The following ENOX1 variants were observed in gnomAD, a reference collection of about 807,000 sequenced individuals.
The protein encoded by ENOX1 is ecto-NOX disulfide-thiol exchanger 1.
In ENOX1, 42 loss-of-function variants were observed where a neutral mutation model predicts 82.5. That is an observed-to-expected ratio of 0.51 (90% CI 0.40 to 0.66). The LOEUF (loss-of-function observed/expected upper bound fraction) is 0.66, where lower values mean the gene tolerates loss of function less well. Ranked by LOEUF, ENOX1 falls within the 30% of genes least tolerant of loss-of-function variation. The pLI, the probability that ENOX1 is intolerant of heterozygous loss-of-function variation, is 0.00. For synonymous variants in ENOX1, 271 were observed against 282.2 expected, an observed-to-expected ratio of 0.96 and a Z score of 0.40; for missense variants, 608 against 811.6, an observed-to-expected ratio of 0.75 and a Z score of 3.05.
chr13:43,612,184 G>C (rs563272320), intron 2 of ENOX1, among the ~76,000 whole-genome samples: 6 of 152,302 alleles, frequency 3.9e-5, no homozygotes, highest in Admixed American at 6.5e-5. Context: ...AGCAGTCAGA[G>C]AGAACAGATG....
intron 1 of ENOX1, among the ~76,000 whole-genome samples, chr13:43,679,634 C>G (rs1355413339): frequency 3.7e-4 from 56 of 152,146 alleles, no homozygotes; most frequent in Admixed American, 3.7e-3. Flanking sequence ...ATTTCTTCAT[C>G]TTTAAGATAA....
At chr13:43,706,712 GAA>G (rs67435957) in intron 1 of ENOX1, among the ~76,000 whole-genome samples, 115,418 of 148,018 alleles carry the variant, frequency 0.78, 47,394 homozygotes, top group South Asian at 0.93. Context: ...GATCAAGAAA[GAA>G]AAAAAAAAAA....
In ENOX1 at chr13:43,336,253, G is replaced by A. The variant is rs570539568; in HGVS notation, c.1036+8285C>T. Among the ~76,000 whole-genome samples the A allele has an allele frequency of 2.0e-5, 3 of 152,316 alleles. No individual in the cohort carries two copies. In the South Asian group the frequency reaches 6.2e-4, roughly 32 times the overall value. On this transcript the variant is annotated intron_variant, in intron 9 of 16. Coordinates refer to ENST00000690772, the MANE Select transcript of ENOX1 (RefSeq NM_001347969.2). ...AGAGCTTTTCAGGCAGAAGAAATGT[G>A]GACGAGGACACCAATCTGCCTAAAA...
intron 8 of ENOX1, among the ~76,000 whole-genome samples, chr13:43,346,518 T>G (rs77123344): frequency 2.9e-4 from 44 of 152,244 alleles, no homozygotes; most frequent in East Asian, 1.9e-4. Context: ...TCTCAACCCA[T>G]AGGCACAGAA....
At chr13:43,550,775 G>T (rs1033115564) in intron 2 of ENOX1, among the ~76,000 whole-genome samples, 2 of 152,038 alleles carry the variant, frequency 1.3e-5, no homozygotes, top group Admixed American at 1.3e-4. Context: ...TTATCTTCAG[G>T]GTATGTGGAC....
Position 43,236,732 on chromosome 13 carries a change from T to C in ENOX1, c.1618A>G (p.Asn540Asp), listed in dbSNP as rs560032590. The change falls in exon 15 of 17, where the codon AAT becomes GAT. Residue 540 changes from asparagine (N) to aspartate (D), a missense_variant. Asn to Asp is a conservative substitution (Grantham distance 23, BLOSUM62 1). Coordinates refer to ENST00000690772, the MANE Select transcript of ENOX1 (RefSeq NM_001347969.2). ...GHSHEDSNEI[N>D]VLTVALVNQD... Reference sequence around the variant, plus strand: ...TTGACTAATGCAACTGTCAACACATTGATTTCCTATAAAGTTAAAAGCCAA... The same window carrying C: ...TTGACTAATGCAACTGTCAACACATCGATTTCCTATAAAGTTAAAAGCCAA... The C allele has an allele frequency of 1.3e-6, 2 of 1,569,816 alleles. No homozygotes were observed. Among genetic ancestry groups the C allele is most frequent in the East Asian group, 4.6e-5 (2 of 43,214 alleles).
rs573095128 is a variant in ENOX1 at position 43,618,324 on chromosome 13, A to G, written c.-219+49155T>C. Among the ~76,000 whole-genome samples the G allele has an allele frequency of 4.6e-5, 7 of 152,270 alleles. 1 individual carries two copies. The Middle Eastern group carries it at 0.01, about 222-fold the overall frequency. ...TGGTCATGAAATCCTTGCCTAAACC[A>G]ATGTCTAGAAGGGTTTTTCCAATGT... On this transcript the variant is annotated intron_variant, in intron 2 of 16. Coordinates refer to ENST00000690772, the MANE Select transcript of ENOX1 (RefSeq NM_001347969.2).
intron 3 of ENOX1, among the ~76,000 whole-genome samples, chr13:43,423,718 T>C (rs1337737956): frequency 1.3e-5 from 2 of 152,202 alleles, no homozygotes; most frequent in Non-Finnish European, 2.9e-5. Flanking sequence ...AAAGTGACTC[T>C]TCTATCCCTG....
intron 2 of ENOX1, among the ~76,000 whole-genome samples, chr13:43,616,204 A>ATATATATATATATTTTTTT (rs1457149422): frequency 6.5e-5 from 1 of 15,300 alleles, no homozygotes; most frequent in Non-Finnish European, 2.1e-4. Flanking sequence ...ATATATATAT[A>ATATATATATATATTTTTTT]TTTTTTTTTT....
chr13:43,679,104 C>T (rs894923528), intron 1 of ENOX1, among the ~76,000 whole-genome samples: 4 of 152,208 alleles, frequency 2.6e-5, no homozygotes, highest in African/African-American at 9.6e-5. Context: ...ATACCCTCAA[C>T]CACTATGCTG....
chr13:43,578,825 GCTTGA>G (rs2080563715), intron 2 of ENOX1, among the ~76,000 whole-genome samples: 1 of 152,008 alleles, frequency 6.6e-6, no homozygotes, highest in Non-Finnish European at 1.5e-5. Context: ...AAATATTATT[GCTTGA>G]CTTAATTCCA....
At chr13:43,508,120 A>G (rs998308997) in intron 2 of ENOX1, among the ~76,000 whole-genome samples, 6 of 152,024 alleles carry the variant, frequency 3.9e-5, no homozygotes, top group Non-Finnish European at 7.4e-5. Context: ...TTGAAACTCA[A>G]TCCTCATTGT....
At chr13:43,239,113 G>GA (rs1048401404) in intron 14 of ENOX1, among the ~76,000 whole-genome samples, 1 of 152,148 alleles carries the variant, frequency 6.6e-6, no homozygotes, top group African/African-American at 2.4e-5. Flanking sequence ...TTTTAGGGTT[G>GA]AAAAAATTAG....
At chr13:43,542,725 G>A (rs755272363) in intron 2 of ENOX1, among the ~76,000 whole-genome samples, 2 of 152,096 alleles carry the variant, frequency 1.3e-5, no homozygotes, top group African/African-American at 2.4e-5. Context: ...CGTGAGCCAC[G>A]GTGCCAGCCA....
At chr13:43,594,835 C>G (rs1479687061) in intron 2 of ENOX1, among the ~76,000 whole-genome samples, 1 of 152,034 alleles carries the variant, frequency 6.6e-6, no homozygotes, top group Admixed American at 6.6e-5. Context: ...TCCTGGCTCC[C>G]ATTTTCCTTC....
intron 5 of ENOX1, among the ~76,000 whole-genome samples, chr13:43,402,685 T>C (rs937941213): frequency 1.3e-5 from 2 of 152,230 alleles, no homozygotes; most frequent in African/African-American, 4.8e-5. Context: ...AGAAGTCCCC[T>C]ACGCAATTAA....
rs535606257 is a variant in ENOX1, at chr13:43,445,388, G to C, written c.-74-32400C>G. 2.0e-5 allele frequency among the ~76,000 whole-genome samples: 3 copies of C among 152,248 alleles called. No homozygotes were observed. In the South Asian group the frequency reaches 6.2e-4, roughly 32 times the overall value. ...TCTGCCCGCCTTGGCCTCCCAAAGT[G>C]CTGGGATTACAGGTGTGAGCCACTG... On this transcript the variant is annotated intron_variant, in intron 3 of 16. Transcript: ENST00000690772.
intron 13 of ENOX1, 53 bp downstream of exon 13, chr13:43,269,417 T>G (rs1400494399): frequency 7.5e-7 from 1 of 1,329,332 alleles, no homozygotes; most frequent in African/African-American, 1.4e-5. Flanking sequence ...AAGGGAGGTA[T>G]GCAATGGGGT....
chr13:43,718,235 T>C (rs568899642), intron 1 of ENOX1, among the ~76,000 whole-genome samples: 1 of 152,160 alleles, frequency 6.6e-6, no homozygotes, highest in African/African-American at 2.4e-5. Context: ...TGTAGCAATA[T>C]AGACTGAGCT....
Sources: gnomAD v4.1 joint callset for allele counts (sites outside exome capture counted in the v4.1 genomes callset) on GRCh38, gnomAD v4.1.1 for gene constraint, MANE v1.5 for transcripts, NCBI Gene and HGNC (gene_info 2026-07-23, HGNC 2026-07-21) for gene names.